TSNARE1: variants seen among roughly 807,000 people sequenced by gnomAD.
TSNARE1 encodes the protein t-SNARE domain containing 1.
A neutral mutation model predicts 62.0 loss-of-function variants in TSNARE1; 49 were observed. That is an observed-to-expected ratio of 0.79 (90% CI 0.63 to 1.00). The LOEUF (loss-of-function observed/expected upper bound fraction) is 1.00, where lower values mean the gene tolerates loss of function less well. TSNARE1 is among the 50% of genes least tolerant of loss of function. The pLI, the probability that TSNARE1 is intolerant of heterozygous loss-of-function variation, is 0.00. For synonymous variants in TSNARE1, 328 were observed against 294.4 expected, an observed-to-expected ratio of 1.11 and a Z score of -1.17; for missense variants, 755 against 700.1, an observed-to-expected ratio of 1.08 and a Z score of -0.88.
At chr8:142,334,487 G>A (rs1023898125) in intron 4 of TSNARE1, among the ~76,000 whole-genome samples, 1 of 151,802 alleles carries the variant, frequency 6.6e-6, no homozygotes, top group East Asian at 1.9e-4. Flanking sequence ...CACACAGGGT[G>A]GGGGGGCAGC....
At chr8:142,392,491 C>T (rs879344606) in intron 1 of TSNARE1, among the ~76,000 whole-genome samples, 4 of 152,230 alleles carry the variant, frequency 2.6e-5, no homozygotes, top group Admixed American at 1.3e-4. Context: ...TCCACACACA[C>T]GTGAGTGATA....
intron 10 of TSNARE1, among the ~76,000 whole-genome samples, chr8:142,299,878 G>A (rs1473922375): frequency 6.6e-6 from 1 of 152,174 alleles, no homozygotes; most frequent in African/African-American, 2.4e-5. Context: ...TTTGGCAGCA[G>A]GTATTATACA....
intron 11 of TSNARE1, chr8:142,277,813 A>G (rs1217328919): frequency 4.1e-6 from 4 of 985,192 alleles, no homozygotes; most frequent in Non-Finnish European, 4.8e-6. Context: ...CCACAGGGTG[A>G]GCAAACCTGA....
chr8:142,343,830 A>AGAGGGGGAGGGGG, intron 4 of TSNARE1, 136 bp downstream of exon 4: 1 of 362,408 alleles, frequency 2.8e-6, no homozygotes. Context: ...GGAGGAGGGG[A>AGAGGGGGAGGGGG]GAGGGGAAGG....
chr8:142,217,327 GA>G (rs1815906371), intron 13 of TSNARE1, among the ~76,000 whole-genome samples: 1 of 45,704 alleles, frequency 2.2e-5, no homozygotes, highest in Non-Finnish European at 5.4e-5. Context: ...AAGAAAGAAA[GA>G]AAGAAAGAAA....
intron 1 of TSNARE1, among the ~76,000 whole-genome samples, chr8:142,359,405 C>T (rs1486287247): frequency 6.6e-6 from 1 of 152,220 alleles, no homozygotes; most frequent in Non-Finnish European, 1.5e-5. Context: ...CACATCCCAG[C>T]AGGCCAGATC....
At chr8:142,279,398 C>T (rs965048381) in intron 11 of TSNARE1, among the ~76,000 whole-genome samples, 8 of 152,212 alleles carry the variant, frequency 5.3e-5, no homozygotes, top group African/African-American at 1.7e-4. Flanking sequence ...GCACCCGCTG[C>T]TGCTGCACGT....
intron 13 of TSNARE1, among the ~76,000 whole-genome samples, chr8:142,222,121 T>TTTACTCACTCATACACTCATTCAC (rs1554623967): frequency 9.3e-6 from 1 of 107,344 alleles, no homozygotes; most frequent in Non-Finnish European, 1.9e-5. Flanking sequence ...CATCCACTCA[T>TTTACTCACTCATACACTCATTCAC]TCACTCACTC....
intron 1 of TSNARE1, among the ~76,000 whole-genome samples, chr8:142,387,329 T>C (rs1587118813): frequency 6.6e-6 from 1 of 152,078 alleles, no homozygotes; most frequent in Non-Finnish European, 1.5e-5. Flanking sequence ...TTGAAAAGAA[T>C]AATAAAAAAT....
chr8:142,227,345 T>A (rs1175856597), intron 13 of TSNARE1, among the ~76,000 whole-genome samples: 14 of 93,798 alleles, frequency 1.5e-4, no homozygotes, highest in African/African-American at 1.3e-3. Flanking sequence ...AGGACCCCCA[T>A]CCTGCCCATA....
intron 12 of TSNARE1, among the ~76,000 whole-genome samples, chr8:142,265,686 T>A (rs558915534): frequency 6.6e-5 from 10 of 152,222 alleles, no homozygotes; most frequent in Non-Finnish European, 1.2e-4. Flanking sequence ...TTTTTCAGAG[T>A]GGCTGTAACA....
chr8:142,220,052 C>T (rs932252183), intron 13 of TSNARE1, among the ~76,000 whole-genome samples: 30 of 152,328 alleles, frequency 2.0e-4, no homozygotes, highest in African/African-American at 7.2e-4. Context: ...AGAAAGAAAC[C>T]GCCGCTGTGT....
chr8:142,325,599 C>T (rs543156230), intron 6 of TSNARE1, among the ~76,000 whole-genome samples: 9 of 152,222 alleles, frequency 5.9e-5, no homozygotes, highest in African/African-American at 2.2e-4. Flanking sequence ...GAGGTCCCTT[C>T]CTTGGCCTGG....
intron 12 of TSNARE1, among the ~76,000 whole-genome samples, chr8:142,269,002 T>G (rs75057805): frequency 0.16 from 25,085 of 152,300 alleles, 2,462 homozygotes; most frequent in Middle Eastern, 0.26. Context: ...ATAACTTTCA[T>G]CAAATATGTA....
chr8:142,368,857 T>G (rs1355287170), intron 1 of TSNARE1, among the ~76,000 whole-genome samples: 1 of 152,166 alleles, frequency 6.6e-6, no homozygotes, highest in East Asian at 1.9e-4. Context: ...CCACAGTGGC[T>G]AAGGAAGGGT....
At chr8:142,400,964 T>C (rs1377518917) in intron 1 of TSNARE1, among the ~76,000 whole-genome samples, 2 of 152,126 alleles carry the variant, frequency 1.3e-5, no homozygotes, top group African/African-American at 2.4e-5. Flanking sequence ...CCAGTATCAT[T>C]AGTGTCACCA....
chr8:142,318,511 C>T, intron 7 of TSNARE1, 33 bp downstream of exon 7: 1 of 1,598,382 alleles, frequency 6.3e-7, no homozygotes, highest in Non-Finnish European at 8.5e-7. Flanking sequence ...CCATTCCTCT[C>T]CTCCCTCCCA....
At chr8:142,381,760 C>G (rs1482779758) in intron 1 of TSNARE1, among the ~76,000 whole-genome samples, 3 of 152,210 alleles carry the variant, frequency 2.0e-5, no homozygotes, top group East Asian at 1.9e-4. Context: ...CCCAGATGAC[C>G]TGGGCAAGCA....
At chr8:142,255,988 ACCG>A (rs1455951569) in intron 12 of TSNARE1, among the ~76,000 whole-genome samples, 1 of 101,672 alleles carries the variant, frequency 9.8e-6, no homozygotes, top group African/African-American at 3.4e-5. Flanking sequence ...CACCACCACC[ACCG>A]TCACCATCAC....
Sources: allele counts gnomAD v4.1 joint callset (sites outside exome capture counted in the v4.1 genomes callset), GRCh38; gene constraint gnomAD v4.1.1; transcripts MANE v1.5; gene names NCBI Gene and HGNC (gene_info 2026-07-23, HGNC 2026-07-21).